CTNND2: variants seen among roughly 807,000 people sequenced by gnomAD.
CTNND2 encodes the protein catenin delta-2.
CTNND2 carries 22 observed loss-of-function variants against 144.4 expected under a neutral mutation model. The observed-to-expected ratio is 0.15, with a 90% CI of 0.11 to 0.22. CTNND2 has a LOEUF of 0.22. CTNND2 is among the 10% of genes least tolerant of loss of function. The pLI, the probability that CTNND2 is intolerant of heterozygous loss-of-function variation, is 1.00. For synonymous variants in CTNND2, 751 were observed against 695.6 expected, an observed-to-expected ratio of 1.08 and a Z score of -1.25; for missense variants, 1,353 against 1,618.8, an observed-to-expected ratio of 0.84 and a Z score of 2.82.
intron 10 of CTNND2, among the ~76,000 whole-genome samples, chr5:11,218,233 T>C (rs1264928163): frequency 6.6e-6 from 1 of 152,192 alleles, no homozygotes; most frequent in Non-Finnish European, 1.5e-5. Flanking sequence ...GAAATATTTT[T>C]TCGTCAGTTG....
At chr5:11,338,715 T>C (rs1294323141) in intron 9 of CTNND2, among the ~76,000 whole-genome samples, 1 of 152,144 alleles carries the variant, frequency 6.6e-6, no homozygotes, top group Middle Eastern at 3.2e-3. Flanking sequence ...AGTTGTTATT[T>C]TGGAATGCAA....
At chr5:11,878,402 AGT>A (rs1230142119) in intron 1 of CTNND2, among the ~76,000 whole-genome samples, 1 of 152,176 alleles carries the variant, frequency 6.6e-6, no homozygotes, top group Non-Finnish European at 1.5e-5. Flanking sequence ...GTCAGGCCCA[AGT>A]AAGGTAGGGT....
intron 3 of CTNND2, among the ~76,000 whole-genome samples, chr5:11,502,027 C>CA (rs547364682): frequency 0.025 from 1,449 of 56,896 alleles, 75 homozygotes; most frequent in African/African-American, 0.036. Flanking sequence ...GACTCCATCT[C>CA]AAAAAAAAAA....
At chr5:11,606,832 A>C (rs1780072318) in intron 2 of CTNND2, among the ~76,000 whole-genome samples, 1 of 152,230 alleles carries the variant, frequency 6.6e-6, no homozygotes, top group Non-Finnish European at 1.5e-5. Flanking sequence ...ATTAAGAAGC[A>C]CAGGAGATTA....
intron 7 of CTNND2, among the ~76,000 whole-genome samples, chr5:11,378,704 G>T (rs193222328): frequency 3.3e-5 from 5 of 152,098 alleles, no homozygotes; most frequent in African/African-American, 4.8e-5. Context: ...AAACAAACTC[G>T]TTCATTACCC....
chr5:11,036,483 C>T (rs769683310), intron 16 of CTNND2, among the ~76,000 whole-genome samples: 96 of 152,172 alleles, frequency 6.3e-4, no homozygotes, highest in Admixed American at 1.3e-3. Flanking sequence ...TGCAATGGCA[C>T]GATCTTGGCT....
At chr5:11,865,170 C>T (rs1241183625) in intron 1 of CTNND2, among the ~76,000 whole-genome samples, 1 of 152,300 alleles carries the variant, frequency 6.6e-6, no homozygotes, top group East Asian at 1.9e-4. Flanking sequence ...GTTGGGATTA[C>T]AGGCATGAGC....
At chr5:11,552,981 T>C (rs955039964) in intron 3 of CTNND2, among the ~76,000 whole-genome samples, 2 of 152,230 alleles carry the variant, frequency 1.3e-5, no homozygotes, top group Non-Finnish European at 2.9e-5. Flanking sequence ...AATGCCTTTC[T>C]ACTCCTCGTC....
chr5:11,191,504 T>C (rs1390935727), intron 11 of CTNND2, among the ~76,000 whole-genome samples: 1 of 152,184 alleles, frequency 6.6e-6, no homozygotes, highest in East Asian at 1.9e-4. Flanking sequence ...CCAGCTGAAC[T>C]GCAACTATGC....
rs556162323 is a variant in CTNND2 at position 11,598,311 on chromosome 5, T to G, written c.175-33255A>C. On this transcript the variant is annotated intron_variant, in intron 2 of 21. Coordinates refer to ENST00000304623, the MANE Select transcript of CTNND2 (RefSeq NM_001332.4). ...AATGATAAATCAGATTCTCCATCCC[T>G]CTACACCACAACCAAGGGGGATACG... Among the ~76,000 whole-genome samples, 33 of 152,234 alleles carry G rather than the reference T, an allele frequency of 2.2e-4. No homozygotes were observed. The South Asian group carries it at 2.9e-3, about 13-fold the overall frequency.
At chr5:11,844,627 T>C (rs1451324070) in intron 1 of CTNND2, among the ~76,000 whole-genome samples, 1 of 152,168 alleles carries the variant, frequency 6.6e-6, no homozygotes, top group East Asian at 1.9e-4. Flanking sequence ...AGAACTCTAA[T>C]TATAAAACTA....
intron 2 of CTNND2, among the ~76,000 whole-genome samples, chr5:11,658,357 A>T (rs1783019379): frequency 6.6e-6 from 1 of 152,126 alleles, no homozygotes; most frequent in Admixed American, 6.6e-5. Flanking sequence ...AGCAAGAGCA[A>T]GATGAAGAAC....
At chr5:11,842,961 T>C (rs970346196) in intron 1 of CTNND2, among the ~76,000 whole-genome samples, 2 of 152,138 alleles carry the variant, frequency 1.3e-5, no homozygotes, top group African/African-American at 2.4e-5. Flanking sequence ...TTTTCAAACA[T>C]GTGAAGCGCT....
At chr5:11,159,475 A>G in intron 12 of CTNND2, 101 bp downstream of exon 12, 1 of 936,588 alleles carries the variant, frequency 1.1e-6, no homozygotes. Context: ...TGTTTTCAGA[A>G]TGGTCTGATC....
intron 11 of CTNND2, among the ~76,000 whole-genome samples, chr5:11,190,170 C>T (rs1580538061): frequency 6.6e-6 from 1 of 152,234 alleles, no homozygotes; most frequent in African/African-American, 2.4e-5. Context: ...CAGCAATGTA[C>T]TGGGAAGGAT....
At chr5:11,174,079 G>A (rs887748630) in intron 11 of CTNND2, among the ~76,000 whole-genome samples, 2 of 152,158 alleles carry the variant, frequency 1.3e-5, no homozygotes, top group Admixed American at 6.5e-5. Flanking sequence ...ATGTGGGGGT[G>A]CAGGGAGATG....
chr5:11,777,402 A>T (rs2126839532), intron 1 of CTNND2, among the ~76,000 whole-genome samples: 1 of 152,360 alleles, frequency 6.6e-6, no homozygotes, highest in Admixed American at 6.5e-5. Flanking sequence ...TCATAAGTCA[A>T]CATTTAATTT....
At chr5:11,518,479 G>C (rs1000068186) in intron 3 of CTNND2, among the ~76,000 whole-genome samples, 1 of 152,118 alleles carries the variant, frequency 6.6e-6, no homozygotes, top group Non-Finnish European at 1.5e-5. Flanking sequence ...ATTGAGCGTA[G>C]CCTAAGTATC....
intron 2 of CTNND2, among the ~76,000 whole-genome samples, chr5:11,629,574 C>T (rs1337225841): frequency 6.6e-6 from 1 of 152,186 alleles, no homozygotes; most frequent in Admixed American, 6.5e-5. Flanking sequence ...GATGGAGTAA[C>T]ACCAGTGGTG....
Sources: gnomAD v4.1 joint callset for allele counts (sites outside exome capture counted in the v4.1 genomes callset) on GRCh38, gnomAD v4.1.1 for gene constraint, MANE v1.5 for transcripts, NCBI Gene and HGNC (gene_info 2026-07-23, HGNC 2026-07-21) for gene names.